EFTUD2: variants seen among roughly 807,000 people sequenced by gnomAD.
EFTUD2 encodes the protein 116 kDa U5 small nuclear ribonucleoprotein component.
EFTUD2 carries 9 observed loss-of-function variants against 114.3 expected under a neutral mutation model. That is an observed-to-expected ratio of 0.08 (90% confidence interval 0.05 to 0.14). The LOEUF is 0.14. Ranked by LOEUF, EFTUD2 falls within the 10% of genes least tolerant of loss-of-function variation. The pLI is 1.00. For synonymous variants in EFTUD2, 449 were observed against 462.3 expected (o/e 0.97, Z 0.37); for missense variants, 765 against 1,241.2 (o/e 0.62, Z 5.76).
chr17:44,889,608 G>T (rs933460181), intron 2 of EFTUD2, among the ~76,000 whole-genome samples: 1 of 152,204 alleles, frequency 6.6e-6, no homozygotes, highest in African/African-American at 2.4e-5. Context: ...CATCGTATAT[G>T]AGTACAGATG....
At chr17:44,863,572 ATT>A in intron 15 of EFTUD2, 81 bp downstream of exon 15, 1 of 1,541,956 alleles carries the variant, frequency 6.5e-7, no homozygotes, top group East Asian at 2.3e-5. Context: ...GAAAGTGGGC[ATT>A]ACTCCTGTGA....
intron 4 of EFTUD2, 37 bp from the exon 5 acceptor site, chr17:44,883,761 C>A: frequency 6.2e-7 from 1 of 1,602,380 alleles, no homozygotes; most frequent in Non-Finnish European, 8.6e-7. Flanking sequence ...GAGAGATTGG[C>A]AAACGTTTCC....
chr17:44,850,338 T>C lies in EFTUD2; in HGVS notation c.*936A>G. On this transcript the variant is annotated 3_prime_UTR_variant, in exon 28 of 28. Transcript: ENST00000426333. ...TTTCTTTTCTCTCACACAGGTGCTGTGTACACAATGTACAGCGATTACGTC... is the reference window on the plus strand; with the variant it reads ...TTTCTTTTCTCTCACACAGGTGCTGCGTACACAATGTACAGCGATTACGTC... 1 of 1,612,628 alleles carries C rather than the reference T, an allele frequency of 6.2e-7. No homozygotes were observed. The highest frequency in any genetic ancestry group is 8.5e-7 in the Non-Finnish European group (1 of 1,179,164).
intron 2 of EFTUD2, among the ~76,000 whole-genome samples, chr17:44,891,384 C>G (rs1214305517): frequency 6.6e-6 from 1 of 152,180 alleles, no homozygotes; most frequent in Admixed American, 6.5e-5. Flanking sequence ...GGGTCTCACT[C>G]TGTTGCCCAC....
rs929365966 is a variant in EFTUD2 at position 44,883,225 on chromosome 17, C to T, written c.427-67G>A. 28 of 1,430,730 alleles carry T rather than the reference C, an allele frequency of 2.0e-5. No individual in the cohort carries two copies. The Admixed American group carries it at 4.4e-4, about 23-fold the overall frequency. 88.6% of individuals were successfully genotyped at this position (1,430,730 alleles called of 1,614,324 possible). On this transcript the variant is annotated intron_variant, in intron 5 of 27. Transcript: ENST00000426333. ...AAAATTTACTGTGCCCTTCCCCCAG[C>T]TCCCAATACACCACATAATTTAGGG...
At chr17:44,853,796 G>A (rs2050498704) in intron 23 of EFTUD2, 161 bp from the exon 24 acceptor site, 9 of 1,453,234 alleles carry the variant, frequency 6.2e-6, no homozygotes, top group Non-Finnish European at 8.2e-6. Context: ...AATAAGCAAG[G>A]CCCATGGCAG....
In EFTUD2 at chr17:44,851,196, C is replaced by G; in HGVS notation, c.*78G>C. ...ACACTCTCTGACAACACGAAGGCCA[C>G]GTCATATGAGGTCTCAGCTTCAAGT... On this transcript the variant is annotated 3_prime_UTR_variant, in exon 28 of 28. Coordinates refer to ENST00000426333, the MANE Select transcript of EFTUD2 (RefSeq NM_004247.4). 2 of 1,210,766 alleles carry G rather than the reference C, an allele frequency of 1.7e-6. No homozygotes were observed. The highest frequency in any genetic ancestry group is 2.4e-6 in the Non-Finnish European group (2 of 818,306). 75.0% of individuals were successfully genotyped at this position (1,210,766 alleles called of 1,614,324 possible).
At chr17:44,884,065 A>G in intron 4 of EFTUD2, 42 of 267,160 alleles carry the variant, frequency 1.6e-4, no homozygotes, top group South Asian at 3.7e-4. Context: ...TCAGGAGTTC[A>G]AGACCAGCCT....
Position 44,851,021 on chromosome 17 carries a change from TC to T in EFTUD2, c.*252del. 4 of 474,694 alleles carry T rather than the reference TC, an allele frequency of 8.4e-6. No individual in the cohort carries two copies. The highest frequency in any genetic ancestry group is 1.5e-5 in the Non-Finnish European group (4 of 262,298). The allele number at this position is 474,694 out of a possible 1,614,324, so 29.4% of individuals were successfully genotyped here. A position where few individuals can be genotyped will look rare whatever the true frequency, so the allele number is the denominator to read the frequency against. On this transcript the variant is annotated 3_prime_UTR_variant, in exon 28 of 28. Transcript: ENST00000426333. Reference sequence around the variant, plus strand: ...GGCCCCTTGGGGTTTCATCCCCTTCTCTTTCTGTGAGCCCAAGCTCCTCTCT... The same window carrying T: ...GGCCCCTTGGGGTTTCATCCCCTTCTTTTCTGTGAGCCCAAGCTCCTCTCT...
At chr17:44,868,006 T>C (rs2050782338) in intron 12 of EFTUD2, 109 bp from the exon 13 acceptor site, 15 of 1,090,750 alleles carry the variant, frequency 1.4e-5, no homozygotes, top group Non-Finnish European at 1.7e-5. Context: ...GGGAGGAATG[T>C]GTGTGTGACT....
At chr17:44,882,678 A>C (rs1252833894) in intron 6 of EFTUD2, among the ~76,000 whole-genome samples, 2 of 152,208 alleles carry the variant, frequency 1.3e-5, no homozygotes, top group Admixed American at 6.5e-5. Context: ...TAAAACAATC[A>C]ATCTGGCAGG....
chr17:44,853,680 T>C, intron 23 of EFTUD2, 45 bp from the exon 24 acceptor site: 1 of 1,606,986 alleles, frequency 6.2e-7, no homozygotes, highest in Middle Eastern at 1.7e-4. Flanking sequence ...GTTCTGGGCC[T>C]GTCATGGGGC....
At chr17:44,852,351 G>A in intron 26 of EFTUD2, 58 bp downstream of exon 26, 1 of 1,605,884 alleles carries the variant, frequency 6.2e-7, no homozygotes, top group Non-Finnish European at 8.5e-7. Flanking sequence ...CAGGACAGAA[G>A]GGGATGAGGC....
intron 18 of EFTUD2, chr17:44,859,418 A>G (rs918688212): frequency 1.6e-5 from 9 of 569,718 alleles, no homozygotes; most frequent in Admixed American, 3.0e-5. Flanking sequence ...TTTAATTCCC[A>G]TCTTAATGAT....
chr17:44,851,499 C>T (rs1220713566), intron 27 of EFTUD2, 130 bp from the exon 28 acceptor site: 2 of 907,276 alleles, frequency 2.2e-6, no homozygotes, highest in African/African-American at 3.3e-5. Context: ...TTCAGGAGCC[C>T]TGCCTTTAGG....
At chr17:44,868,471 C>T in intron 11 of EFTUD2, 121 bp from the exon 12 acceptor site, 1 of 873,336 alleles carries the variant, frequency 1.1e-6, no homozygotes, top group East Asian at 2.7e-5. Context: ...AGGGTCCAGG[C>T]AGTTCCTTCT....
chr17:44,883,574 G>A, intron 5 of EFTUD2, 75 bp downstream of exon 5: 1 of 1,412,014 alleles, frequency 7.1e-7, no homozygotes, highest in South Asian at 1.1e-5. Flanking sequence ...CTCAACCGCT[G>A]TGACTCTAAG....
At chr17:44,868,769 T>A (rs1429319292) in intron 11 of EFTUD2, among the ~76,000 whole-genome samples, 3 of 152,198 alleles carry the variant, frequency 2.0e-5, no homozygotes, top group African/African-American at 7.2e-5. Context: ...CTGCTGCCAG[T>A]GTGGGCCACC....
chr17:44,868,575 A>C, intron 11 of EFTUD2: 1 of 515,534 alleles, frequency 1.9e-6, no homozygotes, highest in Non-Finnish European at 3.4e-6. Context: ...TGAGAACCCA[A>C]GCCTCTCCAT....
Sources: allele counts gnomAD v4.1 joint callset (sites outside exome capture counted in the v4.1 genomes callset), GRCh38; gene constraint gnomAD v4.1.1; transcripts MANE v1.5; gene names NCBI Gene and HGNC (gene_info 2026-07-23, HGNC 2026-07-21).